USP7: variants seen among roughly 807,000 people sequenced by gnomAD.
USP7 encodes the protein ubiquitin C-terminal hydrolase 7.
Under a neutral mutation model 162.9 loss-of-function variants are expected in USP7, and 9 were observed. That is an observed-to-expected ratio of 0.06 (90% CI 0.03 to 0.10). The LOEUF (loss-of-function observed/expected upper bound fraction) is 0.10. Among genes scored for constraint, USP7 ranks in the 10% least tolerant of loss-of-function variants. USP7 has a pLI of 1.00. For synonymous variants in USP7, 562 were observed against 475.9 expected (o/e 1.18, Z -2.35); for missense variants, 715 against 1,373.7 (o/e 0.52, Z 7.58).
Position 8,897,079 on chromosome 16 carries a change from G to A in USP7, c.2739C>T (p.Asp913=), listed in dbSNP as rs2061692951. 6.2e-7 allele frequency: 1 copy of A among 1,613,728 alleles called. No individual in the cohort carries two copies. Among genetic ancestry groups the A allele is most frequent in the Non-Finnish European group, 8.5e-7 (1 of 1,179,652 alleles). The part of the protein sequence containing the change: ...FREEEITLYP[D]KHGCVRDLLE... The stretch of plus-strand genomic sequence containing the variant: ...ACAGGTCCCGGACACACCCATGCTT[G>A]TCTGGATATAGTGTTATTTCCTAAG... The change falls in exon 26 of 31, where the codon GAC becomes GAT. Residue 913 remains aspartate, a synonymous_variant. Coordinates refer to ENST00000344836, the MANE Select transcript of USP7 (RefSeq NM_003470.3).
At position 8,934,519 on chromosome 16, in the gene USP7, T is replaced by G. The variant is rs150875449; in HGVS notation, c.80-4122A>C. Among the ~76,000 whole-genome samples, 693 of 152,322 alleles carry G rather than the reference T, an allele frequency of 4.5e-3. 4 individuals carry two copies. Among genetic ancestry groups the G allele is most frequent in the African/African-American group, 0.016 (659 of 41,574 alleles). ...CCCATTTTTCAGCAGTGGGATTAAT[T>G]GCAGTGTGATGACTAAAGAAAGCCT... is the stretch of plus-strand genomic sequence containing the variant. On this transcript the variant is annotated intron_variant, in intron 1 of 30. Transcript: ENST00000344836.
At chr16:8,936,749 T>G (rs1898759158) in intron 1 of USP7, 2 of 1,353,212 alleles carry the variant, frequency 1.5e-6, no homozygotes, top group Non-Finnish European at 9.5e-7. Flanking sequence ...CACAGAAGCC[T>G]TGTCTTTAGG....
chr16:8,956,835 C>T (rs1333940350), intron 1 of USP7, among the ~76,000 whole-genome samples: 1 of 152,062 alleles, frequency 6.6e-6, no homozygotes, highest in Non-Finnish European at 1.5e-5. Flanking sequence ...TAGTAAGAGC[C>T]CAGCCCCCCC....
intron 2 of USP7, among the ~76,000 whole-genome samples, chr16:8,927,270 C>A (rs577640980): frequency 1.4e-5 from 2 of 147,198 alleles, no homozygotes; most frequent in African/African-American, 2.5e-5. Flanking sequence ...TGAGGTGAAC[C>A]GAGATTGCGC....
chr16:8,893,930 A>T lies in USP7; in HGVS notation c.*68T>A. On this transcript the variant is annotated 3_prime_UTR_variant, in exon 31 of 31. Coordinates refer to ENST00000344836, the MANE Select transcript of USP7 (RefSeq NM_003470.3). The stretch of plus-strand genomic sequence containing the variant: ...AAGACTTCGGCTAGAGGGCACGTGC[A>T]CCAAAGTTCTAGGCTGTTAAGGGGC... 7.0e-7 allele frequency: 1 copy of T among 1,419,488 alleles called. No homozygotes were observed. The highest frequency in any genetic ancestry group is 1.1e-5 in the South Asian group (1 of 87,124). The allele number at this position is 1,419,488 out of a possible 1,614,324, so 87.9% of individuals were successfully genotyped here.
chr16:8,940,330 A>G (rs186605866), intron 1 of USP7, among the ~76,000 whole-genome samples: 24 of 152,362 alleles, frequency 1.6e-4, no homozygotes, highest in Non-Finnish European at 3.1e-4. Context: ...TCCAAGAACC[A>G]GAACACCGCC....
At chr16:8,936,269 G>C (rs1419779022) in intron 1 of USP7, among the ~76,000 whole-genome samples, 2 of 152,068 alleles carry the variant, frequency 1.3e-5, no homozygotes, top group African/African-American at 4.8e-5. Flanking sequence ...CCTGGTCTCT[G>C]GGTGGCTCAC....
At chr16:8,906,395 C>T in intron 13 of USP7, 31 bp downstream of exon 13, 3 of 1,599,600 alleles carry the variant, frequency 1.9e-6, no homozygotes, top group South Asian at 1.1e-5. Flanking sequence ...TTCTGATGAG[C>T]TTGCATTCAG....
chr16:8,955,510 CA>C (rs2141265675), intron 1 of USP7, among the ~76,000 whole-genome samples: 1 of 152,224 alleles, frequency 6.6e-6, no homozygotes, highest in East Asian at 1.9e-4. Flanking sequence ...CTCATGAGGT[CA>C]GGCCTGGCCA....
intron 1 of USP7, among the ~76,000 whole-genome samples, chr16:8,957,371 CA>C (rs1384652729): frequency 1.3e-5 from 2 of 152,156 alleles, no homozygotes; most frequent in African/African-American, 4.8e-5. Flanking sequence ...TATGTTGTTA[CA>C]ACTCTTGTTC....
chr16:8,928,503 A>C (rs1406253792), intron 2 of USP7, among the ~76,000 whole-genome samples: 1 of 152,212 alleles, frequency 6.6e-6, no homozygotes, highest in African/African-American at 2.4e-5. Flanking sequence ...AATCCTGTGC[A>C]TTTTTCACAA....
intron 1 of USP7, among the ~76,000 whole-genome samples, chr16:8,958,719 G>A (rs1899898665): frequency 6.6e-6 from 1 of 152,208 alleles, no homozygotes; most frequent in South Asian, 2.1e-4. Flanking sequence ...GGGAGCTCTA[G>A]CACTCACGCA....
intron 1 of USP7, among the ~76,000 whole-genome samples, chr16:8,935,313 G>A (rs1056708028): frequency 4.0e-5 from 6 of 151,534 alleles, no homozygotes; most frequent in African/African-American, 1.5e-4. Flanking sequence ...GGGTTCAAGT[G>A]ATTCTCCCAC....
intron 4 of USP7, 26 bp from the exon 5 acceptor site, chr16:8,920,473 A>G: frequency 6.3e-7 from 1 of 1,582,916 alleles, no homozygotes; most frequent in Non-Finnish European, 8.6e-7. Flanking sequence ...AAGAATATCC[A>G]GCTTGAATAA....
At chr16:8,907,382 C>G (rs2061877500) in intron 12 of USP7, among the ~76,000 whole-genome samples, 1 of 152,184 alleles carries the variant, frequency 6.6e-6, no homozygotes, top group Non-Finnish European at 1.5e-5. Flanking sequence ...TGACCAAAGC[C>G]TCAGCTGGTA....
intron 1 of USP7, among the ~76,000 whole-genome samples, chr16:8,940,957 G>A (rs1899016754): frequency 6.6e-6 from 1 of 152,156 alleles, no homozygotes; most frequent in Non-Finnish European, 1.5e-5. Flanking sequence ...AATAAAGTCA[G>A]GAATAGCAGG....
chr16:8,895,202 A>C, intron 27 of USP7, 52 bp from the exon 28 acceptor site: 1 of 1,612,832 alleles, frequency 6.2e-7, no homozygotes, highest in South Asian at 1.1e-5. Flanking sequence ...GATGTGGTCA[A>C]AGTGTCCACA....
At chr16:8,894,176 T>A (rs1409416146) in intron 30 of USP7, 72 bp from the exon 31 acceptor site, 3 of 1,392,734 alleles carry the variant, frequency 2.2e-6, no homozygotes, top group African/African-American at 2.8e-5. Flanking sequence ...TGGTGGCCAG[T>A]GAGGCATGCA....
intron 1 of USP7, among the ~76,000 whole-genome samples, chr16:8,945,882 T>C (rs148672829): frequency 1.2e-3 from 179 of 151,278 alleles, no homozygotes; most frequent in African/African-American, 3.9e-3. Context: ...GAGACCCCAC[T>C]TCCAAAAAAA....
Sources: gnomAD v4.1 joint callset for allele counts (sites outside exome capture counted in the v4.1 genomes callset) on GRCh38, gnomAD v4.1.1 for gene constraint, MANE v1.5 for transcripts, NCBI Gene and HGNC (gene_info 2026-07-23, HGNC 2026-07-21) for gene names.